Variants in LEKR1 observed in about 807,000 individuals in gnomAD.
The protein encoded by LEKR1 is protein LEKR1.
A neutral mutation model predicts 72.4 loss-of-function variants in LEKR1; 59 were observed. The ratio of observed to expected loss-of-function variants is 0.82; its 90% confidence interval spans 0.66 to 1.01. The LOEUF is 1.01. LEKR1 is among the 50% of genes least tolerant of loss of function. The pLI, the probability that LEKR1 is intolerant of heterozygous loss-of-function variation, is 0.00. For synonymous variants in LEKR1, 257 were observed against 263.2 expected (o/e 0.98, Z 0.23); for missense variants, 728 against 759.2 (o/e 0.96, Z 0.48).
At chr3:156,934,458 G>A (rs544639391) in intron 5 of LEKR1, among the ~76,000 whole-genome samples, 377 of 152,294 alleles carry the variant, frequency 2.5e-3, no homozygotes, top group Non-Finnish European at 4.4e-3. Flanking sequence ...AAAGGGAGCA[G>A]AGGCTTCATT....
At chr3:156,850,601 T>C (rs1715237772) in intron 2 of LEKR1, among the ~76,000 whole-genome samples, 1 of 152,242 alleles carries the variant, frequency 6.6e-6, no homozygotes, top group Admixed American at 6.5e-5. Context: ...TGTTAGTTAC[T>C]TTGTATCTTG....
At chr3:156,904,030 A>G (rs1722285278) in intron 3 of LEKR1, among the ~76,000 whole-genome samples, 1 of 152,220 alleles carries the variant, frequency 6.6e-6, no homozygotes, top group Non-Finnish European at 1.5e-5. Context: ...GGGTGGCCAA[A>G]CAGTGGTTAC....
intron 12 of LEKR1, among the ~76,000 whole-genome samples, chr3:157,036,988 C>T (rs1735012117): frequency 6.6e-6 from 1 of 151,974 alleles, no homozygotes. Context: ...CATAACATGG[C>T]CCAGATGTGC....
chr3:156,909,380 G>T (rs1576800230), intron 3 of LEKR1, among the ~76,000 whole-genome samples: 1 of 152,010 alleles, frequency 6.6e-6, no homozygotes, highest in Admixed American at 6.6e-5. Context: ...TTTCATTGCT[G>T]GTGGGTCATG....
intron 9 of LEKR1, among the ~76,000 whole-genome samples, chr3:157,008,856 C>G (rs1732670243): frequency 6.6e-6 from 1 of 152,084 alleles, no homozygotes; most frequent in Non-Finnish European, 1.5e-5. Flanking sequence ...TTTTATGTAG[C>G]TGAGGATTAT....
At chr3:156,904,270 A>G (rs957228832) in intron 3 of LEKR1, among the ~76,000 whole-genome samples, 1 of 152,202 alleles carries the variant, frequency 6.6e-6, no homozygotes, top group Non-Finnish European at 1.5e-5. Context: ...TATAAACAAC[A>G]TGATTTTATT....
At position 157,028,349 on chromosome 3, in the gene LEKR1, GTAA is replaced by G. The variant is rs1307109263; in HGVS notation, c.1617_1619del (p.Met540del). ...ACAGAAGTCGGATGAACTGAAAAGA[GTAA>G]TGCTGGCTCAAACACAACTGATAGA... On this transcript the variant is annotated inframe_deletion, in exon 12 of 13. Transcript: ENST00000356539. The G allele has an allele frequency of 6.2e-7, 1 of 1,612,938 alleles. No homozygotes were observed. Among genetic ancestry groups the G allele is most frequent in the Non-Finnish European group, 8.5e-7 (1 of 1,179,500 alleles).
At chr3:156,977,812 C>A in intron 6 of LEKR1, 1 of 221,604 alleles carries the variant, frequency 4.5e-6, no homozygotes. Context: ...GGAAACGCCA[C>A]ATGCTAGTCT....
intron 10 of LEKR1, among the ~76,000 whole-genome samples, chr3:157,015,795 A>T (rs1191774660): frequency 1.3e-5 from 2 of 152,148 alleles, no homozygotes; most frequent in Non-Finnish European, 2.9e-5. Flanking sequence ...CATTAAAACA[A>T]ATATGATAAC....
intron 2 of LEKR1, among the ~76,000 whole-genome samples, chr3:156,850,474 G>T (rs923703154): frequency 2.0e-5 from 3 of 152,172 alleles, no homozygotes; most frequent in Non-Finnish European, 4.4e-5. Context: ...AACTGGAAGA[G>T]TTTGGGGTAT....
intron 12 of LEKR1, among the ~76,000 whole-genome samples, chr3:157,043,273 T>C (rs1408607710): frequency 6.6e-6 from 1 of 152,178 alleles, no homozygotes; most frequent in Admixed American, 6.5e-5. Context: ...CTCAGGTATT[T>C]CTTTAGAGCA....
At chr3:156,902,999 C>T (rs1164801697) in intron 3 of LEKR1, among the ~76,000 whole-genome samples, 1 of 151,806 alleles carries the variant, frequency 6.6e-6, no homozygotes, top group East Asian at 1.9e-4. Context: ...CTTACTGAAC[C>T]ATTTGTATTA....
chr3:157,012,035 CT>C (rs973609289), intron 10 of LEKR1, among the ~76,000 whole-genome samples: 4 of 151,972 alleles, frequency 2.6e-5, no homozygotes, highest in Admixed American at 1.3e-4. Context: ...GGTCTTTGGA[CT>C]TTTTTATAGT....
intron 6 of LEKR1, among the ~76,000 whole-genome samples, chr3:156,952,635 C>T (rs929106968): frequency 1.3e-5 from 2 of 151,420 alleles, no homozygotes; most frequent in African/African-American, 4.8e-5. Context: ...TACAATTACT[C>T]TAGAGACTAG....
At chr3:156,859,678 T>C (rs1451816211) in intron 3 of LEKR1, among the ~76,000 whole-genome samples, 2 of 152,206 alleles carry the variant, frequency 1.3e-5, no homozygotes, top group Non-Finnish European at 2.9e-5. Flanking sequence ...AAAGACATTA[T>C]CCACCATTGC....
At chr3:156,999,408 C>A (rs922073161) in intron 9 of LEKR1, among the ~76,000 whole-genome samples, 4 of 152,130 alleles carry the variant, frequency 2.6e-5, no homozygotes, top group African/African-American at 9.7e-5. Flanking sequence ...CCTCCCCTCC[C>A]TTTTTCTCCC....
At chr3:156,904,836 C>G (rs755237602) in intron 3 of LEKR1, among the ~76,000 whole-genome samples, 1 of 151,620 alleles carries the variant, frequency 6.6e-6, no homozygotes, top group African/African-American at 2.4e-5. Context: ...TTTATTAAGT[C>G]AGGGTTAAGA....
intron 3 of LEKR1, among the ~76,000 whole-genome samples, chr3:156,871,279 CATGAACTCATCATTTTTT>C (rs1276629990): frequency 3.9e-5 from 6 of 152,120 alleles, no homozygotes; most frequent in Admixed American, 3.9e-4. Flanking sequence ...CTACAAAGGA[CATGAACTCATCATTTTTT>C]ATGGCTGCAT....
At chr3:156,969,097 T>C in intron 6 of LEKR1, among the ~76,000 whole-genome samples, 1 of 152,002 alleles carries the variant, frequency 6.6e-6, no homozygotes, top group Non-Finnish European at 1.5e-5. Flanking sequence ...AGACACAACA[T>C]ACCAGAATCT....
Sources: gnomAD v4.1 joint callset for allele counts (sites outside exome capture counted in the v4.1 genomes callset) on GRCh38, gnomAD v4.1.1 for gene constraint, MANE v1.5 for transcripts, NCBI Gene and HGNC (gene_info 2026-07-23, HGNC 2026-07-21) for gene names.